ASXL2: variants seen among roughly 807,000 people sequenced by gnomAD.
ASXL2 encodes putative Polycomb group protein ASXL2.
ASXL2 carries 23 observed loss-of-function variants against 122.0 expected under a neutral mutation model. That is an observed-to-expected ratio of 0.19 (90% CI 0.14 to 0.27). The LOEUF is 0.27. Ranked by LOEUF, ASXL2 falls within the 10% of genes least tolerant of loss-of-function variation. ASXL2 has a pLI of 1.00. For synonymous variants in ASXL2, 650 were observed against 637.0 expected (o/e 1.02, Z -0.31); for missense variants, 1,518 against 1,713.8 (o/e 0.89, Z 2.02).
chr2:25,748,549 G>C (rs1483881705), intron 12 of ASXL2, among the ~76,000 whole-genome samples: 1 of 151,736 alleles, frequency 6.6e-6, no homozygotes, highest in African/African-American at 2.4e-5. Flanking sequence ...TCTGGTAAGT[G>C]AATCTTTCCA....
chr2:25,877,072 T>C (rs759307686), intron 1 of ASXL2, among the ~76,000 whole-genome samples: 2 of 152,192 alleles, frequency 1.3e-5, no homozygotes, highest in African/African-American at 4.8e-5. Context: ...TTCCCCACAG[T>C]GAACATTACT....
At chr2:25,809,582 T>C (rs916284982) in intron 3 of ASXL2, among the ~76,000 whole-genome samples, 9 of 152,244 alleles carry the variant, frequency 5.9e-5, no homozygotes, top group Non-Finnish European at 1.3e-4. Flanking sequence ...AAGGAATAGA[T>C]TGCTGCTTCA....
At chr2:25,797,123 A>C (rs1559513786) in intron 5 of ASXL2, among the ~76,000 whole-genome samples, 1 of 152,224 alleles carries the variant, frequency 6.6e-6, no homozygotes, top group Non-Finnish European at 1.5e-5. Context: ...CTGAGAAAGA[A>C]ACTGCCAAGA....
At chr2:25,844,471 G>A (rs192312674) in intron 2 of ASXL2, among the ~76,000 whole-genome samples, 31 of 152,028 alleles carry the variant, frequency 2.0e-4, no homozygotes, top group Admixed American at 1.2e-3. Context: ...CAGCTACTCA[G>A]GAGGCTGAGG....
intron 5 of ASXL2, among the ~76,000 whole-genome samples, chr2:25,774,865 T>G (rs946358238): frequency 6.6e-6 from 1 of 152,256 alleles, no homozygotes; most frequent in African/African-American, 2.4e-5. Context: ...TCTGTCATTT[T>G]CATTTCAATC....
intron 8 of ASXL2, among the ~76,000 whole-genome samples, chr2:25,760,045 C>T (rs2088214033): frequency 6.6e-6 from 1 of 151,964 alleles, no homozygotes; most frequent in Non-Finnish European, 1.5e-5. Context: ...TGCCTCTTCT[C>T]ATGACTTTTT....
At chr2:25,829,430 T>A in intron 3 of ASXL2, among the ~76,000 whole-genome samples, 1 of 152,132 alleles carries the variant, frequency 6.6e-6, no homozygotes, top group South Asian at 2.1e-4. Flanking sequence ...AGAATAAAAA[T>A]CAACAGATTC....
chr2:25,801,113 A>C (rs2088991783), intron 4 of ASXL2, among the ~76,000 whole-genome samples: 1 of 152,038 alleles, frequency 6.6e-6, no homozygotes, highest in South Asian at 2.1e-4. Flanking sequence ...TTTTTTTATA[A>C]AGCTGGGGTC....
In ASXL2 at chr2:25,741,942, T is replaced by C; in HGVS notation, c.*87A>G. On this transcript the variant is annotated 3_prime_UTR_variant, in exon 13 of 13. Coordinates refer to ENST00000435504, the MANE Select transcript of ASXL2 (RefSeq NM_018263.6). ...AAGACAACTGAAACCTACTTGTTTATTTCTGTGATTCCAAAAGGACGCAAA... is the reference window on the plus strand; with the variant it reads ...AAGACAACTGAAACCTACTTGTTTACTTCTGTGATTCCAAAAGGACGCAAA... 1 of 1,297,640 alleles carries C rather than the reference T, an allele frequency of 7.7e-7. No individual in the cohort carries two copies. Among genetic ancestry groups the C allele is most frequent in the Non-Finnish European group, 1.1e-6 (1 of 934,886 alleles). 80.4% of individuals were successfully genotyped at this position (1,297,640 alleles called of 1,614,324 possible). A position where few individuals can be genotyped will look rare whatever the true frequency, so the allele number is the denominator to read the frequency against.
intron 9 of ASXL2, among the ~76,000 whole-genome samples, chr2:25,758,250 T>G (rs1428882604): frequency 6.6e-6 from 1 of 152,240 alleles, no homozygotes; most frequent in East Asian, 1.9e-4. Context: ...TAGTTTTATT[T>G]CAGTAAGTCA....
chr2:25,803,336 A>G (rs1220157735), intron 4 of ASXL2, among the ~76,000 whole-genome samples: 1 of 152,156 alleles, frequency 6.6e-6, no homozygotes, highest in Non-Finnish European at 1.5e-5. Flanking sequence ...TAAGTAAAGC[A>G]TTTTCCTGAG....
chr2:25,877,937 G>T (rs1385033208), intron 1 of ASXL2, among the ~76,000 whole-genome samples: 1 of 152,204 alleles, frequency 6.6e-6, no homozygotes, highest in Non-Finnish European at 1.5e-5. Context: ...AACACTGAGA[G>T]GACTCGCCGC....
chr2:25,816,685 G>T (rs549646938), intron 3 of ASXL2, among the ~76,000 whole-genome samples: 1 of 152,256 alleles, frequency 6.6e-6, no homozygotes, highest in South Asian at 2.1e-4. Context: ...GCAAAATATT[G>T]ACCAATAAAG....
chr2:25,858,449 G>C (rs2089805805), intron 1 of ASXL2, among the ~76,000 whole-genome samples: 1 of 151,848 alleles, frequency 6.6e-6, no homozygotes, highest in African/African-American at 2.4e-5. Context: ...TTTTGGACAG[G>C]CACAATGGCT....
intron 3 of ASXL2, among the ~76,000 whole-genome samples, chr2:25,821,484 C>T (rs1559520775): frequency 6.6e-6 from 1 of 151,974 alleles, no homozygotes; most frequent in Non-Finnish European, 1.5e-5. Flanking sequence ...ATATGCGGGG[C>T]TGGGCGTGGT....
rs944028911 is a variant in ASXL2, at chr2:25,860,571, C to T, written c.58-15008G>A. On this transcript the variant is annotated intron_variant, in intron 1 of 12. Transcript: ENST00000435504. ...CTACTAAAAATACAAAAATGCCGGG[C>T]GTGGTGGCACATGCCTGTAATGGTA... is the stretch of plus-strand genomic sequence containing the variant. Among the ~76,000 whole-genome samples the T allele has an allele frequency of 3.3e-5, 5 of 151,594 alleles. No individual in the cohort carries two copies. The East Asian group carries it at 9.8e-4, about 30-fold the overall frequency.
rs2087801673 is a variant in ASXL2 at position 25,740,075 on chromosome 2, C to G, written c.*1954G>C. The stretch of plus-strand genomic sequence containing the variant: ...TCCCCAATCCTTGCAGCCTTCTTAT[C>G]TCTTAGCTGTGTGTGCTGGAAGAAA... On this transcript the variant is annotated 3_prime_UTR_variant, in exon 13 of 13. Coordinates refer to ENST00000435504, the MANE Select transcript of ASXL2 (RefSeq NM_018263.6). The G allele has an allele frequency of 4.4e-6, 1 of 226,858 alleles. No homozygotes were observed. Among genetic ancestry groups the G allele is most frequent in the Non-Finnish European group, 8.8e-6 (1 of 114,140 alleles). The allele number at this position is 226,858 out of a possible 1,614,324, so 14.1% of individuals were successfully genotyped here.
chr2:25,744,039 A>G lies in ASXL2; in HGVS notation c.2298T>C (p.His766=). The G allele has an allele frequency of 6.2e-7, 1 of 1,614,004 alleles. No individual in the cohort carries two copies. Among genetic ancestry groups the G allele is most frequent in the East Asian group, 2.2e-5 (1 of 44,890 alleles). Residue 766 remains histidine, a synonymous_variant, in exon 13 of 13, where the codon CAT becomes CAC. Transcript: ENST00000435504. This position sits in a 1 kb window ranked among gnomAD's most constrained non-coding sequence, Gnocchi z 4.7. The part of the protein sequence containing the change: ...TKTTPSQAQP[H]SVSGAQLQQT... ...GCTGTAGTTGTGCTCCAGAGACACT[A>G]TGAGGCTGTGCCTGGCTTGGGGTGG...
intron 3 of ASXL2, among the ~76,000 whole-genome samples, chr2:25,811,055 T>TACAAAC (rs2089162119): frequency 4.3e-5 from 5 of 116,358 alleles, no homozygotes; most frequent in African/African-American, 1.3e-4. Flanking sequence ...AATACAAAAA[T>TACAAAC]ACACACACAC....
Sources: allele counts gnomAD v4.1 joint callset (sites outside exome capture counted in the v4.1 genomes callset), GRCh38; gene constraint gnomAD v4.1.1; non-coding constraint Gnocchi (gnomAD v3.1); transcripts MANE v1.5; gene names NCBI Gene and HGNC (gene_info 2026-07-23, HGNC 2026-07-21).